STAB2: variants seen among roughly 807,000 people sequenced by gnomAD.
STAB2 encodes stabilin-2.
STAB2 carries 288 observed loss-of-function variants against 338.1 expected under a neutral mutation model. The observed-to-expected ratio is 0.85, with a 90% CI of 0.77 to 0.94. The LOEUF (loss-of-function observed/expected upper bound fraction) is 0.94, where lower values mean the gene tolerates loss of function less well. Among genes scored for constraint, STAB2 ranks in the 40% least tolerant of loss-of-function variants. STAB2 has a pLI of 0.00. For missense variants in STAB2, 3,141 were observed against 3,210.1 expected, an observed-to-expected ratio of 0.98 and a Z score of 0.52; for synonymous variants, 1,202 against 1,193.3, an observed-to-expected ratio of 1.01 and a Z score of -0.15.
intron 9 of STAB2, among the ~76,000 whole-genome samples, chr12:103,640,994 A>G (rs1384203202): frequency 6.6e-6 from 1 of 152,228 alleles, no homozygotes; most frequent in Admixed American, 6.5e-5. Context: ...ACTGACCTGA[A>G]GCTAGAACCC....
At chr12:103,666,214 T>C in intron 18 of STAB2, 77 bp from the exon 19 acceptor site, 1 of 1,452,788 alleles carries the variant, frequency 6.9e-7, no homozygotes, top group Admixed American at 1.7e-5. Flanking sequence ...GAGGGAAGCA[T>C]GAAACCAGCC....
chr12:103,757,787 T>G (rs1593350040), intron 63 of STAB2: 1 of 226,418 alleles, frequency 4.4e-6, no homozygotes, highest in Non-Finnish European at 9.1e-6. Flanking sequence ...AGGCCTGGGG[T>G]CAGAGATGCA....
intron 3 of STAB2, among the ~76,000 whole-genome samples, chr12:103,604,228 G>A (rs1480281476): frequency 6.6e-6 from 1 of 151,930 alleles, no homozygotes; most frequent in East Asian, 1.9e-4. Flanking sequence ...TTACCATGAT[G>A]TATTTATCAG....
chr12:103,730,314 T>C, intron 49 of STAB2, 58 bp downstream of exon 49: 1 of 1,556,014 alleles, frequency 6.4e-7, no homozygotes, highest in Non-Finnish European at 8.8e-7. Flanking sequence ...TTATCATCTC[T>C]ATTCTGATTC....
At chr12:103,634,100 G>A (rs542551238) in intron 6 of STAB2, among the ~76,000 whole-genome samples, 2 of 152,300 alleles carry the variant, frequency 1.3e-5, no homozygotes, top group African/African-American at 4.8e-5. Flanking sequence ...ATAAGTTGTG[G>A]TACATCCTAT....
chr12:103,652,690 C>A lies in STAB2; in HGVS notation c.1392C>A (p.Ile464=). The change falls in exon 12 of 69, where the codon ATC becomes ATA. Residue 464 remains isoleucine (I), a synonymous_variant. Transcript: ENST00000388887. ...CCTTGACTGGAAAGTCGGGGGAAAT[C>A]TTCAACAGCGATAAGGTAAGGGTTC... is the stretch of plus-strand genomic sequence containing the variant. ...FYTLTGKSGE[I]FNSDKDNQIK... 1 of 1,599,582 alleles carries A rather than the reference C, an allele frequency of 6.3e-7. No homozygotes were observed. Among genetic ancestry groups the A allele is most frequent in the South Asian group, 1.2e-5 (1 of 86,420 alleles).
Position 103,766,310 on chromosome 12 carries a change from G to A in STAB2, c.7630G>A (p.Gly2544Ser), listed in dbSNP as rs1158142251. The change falls in exon 69 of 69, where the codon GGC becomes AGC. Residue 2544 changes from glycine (G) to serine (S), a missense_variant. Gly to Ser is a moderately conservative substitution (Grantham distance 56). Coordinates refer to ENST00000388887, the MANE Select transcript of STAB2 (RefSeq NM_017564.10). ...FTDSEERQLE[G>S]NDPLRTL Reference sequence around the variant, plus strand: ...GGACTCTGAAGAACGGCAGCTTGAGGGCAATGACCCCTTGAGGACACTGTG... The same window carrying A: ...GGACTCTGAAGAACGGCAGCTTGAGAGCAATGACCCCTTGAGGACACTGTG... 1.2e-6 allele frequency: 2 copies of A among 1,613,866 alleles called. No homozygotes were observed. Among genetic ancestry groups the A allele is most frequent in the East Asian group, 2.2e-5 (1 of 44,884 alleles).
intron 53 of STAB2, among the ~76,000 whole-genome samples, chr12:103,738,794 A>G (rs765369025): frequency 6.6e-6 from 1 of 152,248 alleles, no homozygotes; most frequent in Non-Finnish European, 1.5e-5. Flanking sequence ...TTAAAATGGA[A>G]CTAACACTTG....
chr12:103,631,163 C>T (rs570140135), intron 5 of STAB2, among the ~76,000 whole-genome samples: 1 of 152,182 alleles, frequency 6.6e-6, no homozygotes, highest in South Asian at 2.1e-4. Flanking sequence ...CTTTTTTTAT[C>T]CTTGCATCAC....
chr12:103,705,200 C>T (rs552205354), intron 36 of STAB2, among the ~76,000 whole-genome samples: 6 of 152,220 alleles, frequency 3.9e-5, no homozygotes, highest in Admixed American at 3.9e-4. Flanking sequence ...TACAGATGTT[C>T]TCATTTGAGG....
At chr12:103,602,039 A>T (rs1320318051) in intron 3 of STAB2, among the ~76,000 whole-genome samples, 2 of 152,218 alleles carry the variant, frequency 1.3e-5, no homozygotes, top group Non-Finnish European at 2.9e-5. Context: ...AGCTTTGACA[A>T]ACCTGAAGAG....
intron 52 of STAB2, among the ~76,000 whole-genome samples, chr12:103,735,985 G>A (rs1469993453): frequency 6.6e-6 from 1 of 152,048 alleles, no homozygotes; most frequent in Non-Finnish European, 1.5e-5. Flanking sequence ...GCCAGCTCTG[G>A]GCTATACTTA....
chr12:103,689,829 T>C lies in STAB2; in HGVS notation c.3046-17T>C, dbSNP rs1376090814. The C allele has an allele frequency of 1.2e-6, 2 of 1,608,952 alleles. No individual in the cohort carries two copies. Among genetic ancestry groups the C allele is most frequent in the East Asian group, 4.5e-5 (2 of 44,838 alleles). On this transcript the variant is annotated splice_polypyrimidine_tract_variant and intron_variant, in intron 28 of 68. Transcript: ENST00000388887. The stretch of plus-strand genomic sequence containing the variant: ...CCTAACATAAGCAGGTCACTTTATT[T>C]TCCTTCTGTGGTTCAGAATGCTTCT...
intron 30 of STAB2, among the ~76,000 whole-genome samples, chr12:103,692,434 G>C (rs542103153): frequency 6.6e-6 from 1 of 152,268 alleles, no homozygotes; most frequent in South Asian, 2.1e-4. Context: ...CTGTCTCCAG[G>C]GTCAAACCAC....
chr12:103,698,967 T>G, intron 33 of STAB2, 129 bp from the exon 34 acceptor site: 2 of 1,164,452 alleles, frequency 1.7e-6, no homozygotes, highest in Non-Finnish European at 2.4e-6. Flanking sequence ...TCTTAATACC[T>G]CTGTCAAAAC....
intron 12 of STAB2, among the ~76,000 whole-genome samples, chr12:103,653,604 C>CTGGATGGATGGA (rs375522471): frequency 0.09 from 11,076 of 123,484 alleles, 896 homozygotes; most frequent in Non-Finnish European, 0.11. Context: ...GGATAGGTCA[C>CTGGATGGATGGA]TGGATGGATG....
intron 56 of STAB2, 30 bp downstream of exon 56, chr12:103,742,584 C>T (rs1284569566): frequency 1.2e-6 from 2 of 1,613,272 alleles, no homozygotes; most frequent in South Asian, 1.1e-5. Context: ...CGTGCTAGAG[C>T]TTGTTTTTTG....
chr12:103,738,067 C>G (rs1432225163), intron 53 of STAB2, among the ~76,000 whole-genome samples: 2 of 152,186 alleles, frequency 1.3e-5, no homozygotes, highest in Non-Finnish European at 2.9e-5. Flanking sequence ...CATATGCCAA[C>G]TGCCATTCGT....
chr12:103,663,586 G>C (rs1023661941), intron 18 of STAB2, among the ~76,000 whole-genome samples: 2 of 152,014 alleles, frequency 1.3e-5, no homozygotes, highest in Non-Finnish European at 2.9e-5. Context: ...GGACTTAAGC[G>C]ATCCTCTCAT....
Sources: gnomAD v4.1 joint callset for allele counts (sites outside exome capture counted in the v4.1 genomes callset) on GRCh38, gnomAD v4.1.1 for gene constraint, MANE v1.5 for transcripts, NCBI Gene and HGNC (gene_info 2026-07-23, HGNC 2026-07-21) for gene names.